BAZ2A: variants seen among roughly 807,000 people sequenced by gnomAD.
The protein encoded by BAZ2A is bromodomain adjacent to zinc finger domain 2A, also known as bromodomain adjacent to zinc finger domain protein 2A.
Under a neutral mutation model 199.9 loss-of-function variants are expected in BAZ2A, and 34 were observed. The observed-to-expected ratio is 0.17, with a 90% CI of 0.13 to 0.23. BAZ2A has a LOEUF of 0.23. Among genes scored for constraint, BAZ2A ranks in the 10% least tolerant of loss-of-function variants. The pLI is 1.00. For synonymous variants in BAZ2A, 857 were observed against 883.9 expected (o/e 0.97, Z 0.54); for missense variants, 2,002 against 2,391.1 (o/e 0.84, Z 3.39).
In BAZ2A at chr12:56,615,153, G is replaced by A. The variant is rs183859108; in HGVS notation, c.591C>T (p.Ser197=). Residue 197 remains serine, a synonymous_variant, in exon 3 of 29, where the codon AGC becomes AGT. Transcript: ENST00000549884. ...CCTGGGAGGGTGCAAAGGTTTGAAT[G>A]CTAGATCCCAACATAGGAGAAGTCT... The part of the protein sequence containing the change: ...SPQTSPMLGS[S]IQTFAPSQEV... The A allele has an allele frequency of 1.2e-6, 2 of 1,613,706 alleles. No homozygotes were observed. The highest frequency in any genetic ancestry group is 8.5e-7 in the Non-Finnish European group (1 of 1,179,792).
rs375181422 is a variant in BAZ2A, at chr12:56,601,503, G to A, written c.4071+43C>T. On this transcript the variant is annotated intron_variant, in intron 20 of 28. Coordinates refer to ENST00000549884, the MANE Select transcript of BAZ2A (RefSeq NM_001300905.2). Reference sequence around the variant, plus strand: ...CCACACCCAGGCAATGGTGCCTGTGGCAAGATGAAATCAAGTGCATACTAC... The same window carrying A: ...CCACACCCAGGCAATGGTGCCTGTGACAAGATGAAATCAAGTGCATACTAC... 11 of 1,598,650 alleles carry A rather than the reference G, an allele frequency of 6.9e-6. No homozygotes were observed. The African/African-American group carries it at 8.0e-5, about 12-fold the overall frequency.
At chr12:56,632,082 C>T (rs969731250), upstream of BAZ2A, among the ~76,000 whole-genome samples, 2 of 152,210 alleles carry the variant, frequency 1.3e-5, no homozygotes, top group Admixed American at 6.5e-5. Context: ...TCTCTCCTCC[C>T]TGTCAAAACA....
At chr12:56,605,394 C>A in intron 13 of BAZ2A, 67 bp from the exon 14 acceptor site, 5 of 1,386,900 alleles carry the variant, frequency 3.6e-6, no homozygotes, top group Non-Finnish European at 4.8e-6. Flanking sequence ...TGCATGTCTA[C>A]AAGAGGTTCT....
chr12:56,609,651 G>A, intron 10 of BAZ2A, 85 bp downstream of exon 10: 3 of 1,377,568 alleles, frequency 2.2e-6, no homozygotes, highest in South Asian at 1.3e-5. Context: ...TTACACTCCT[G>A]GGAAATCCAG....
intron 1 of BAZ2A, among the ~76,000 whole-genome samples, chr12:56,622,805 T>C (rs1950960905): frequency 6.6e-6 from 1 of 152,192 alleles, no homozygotes. Flanking sequence ...AGAGCTCCTA[T>C]GTTTCATTTA....
At chr12:56,638,054 G>A (rs1227484527), upstream of BAZ2A, 8 of 360,266 alleles carry the variant, frequency 2.2e-5, no homozygotes, top group South Asian at 1.7e-4. Flanking sequence ...GGGAGATCTC[G>A]AGCCCAGGAG....
At chr12:56,617,336 A>C in intron 2 of BAZ2A, 59 bp downstream of exon 2, 1 of 1,404,904 alleles carries the variant, frequency 7.1e-7, no homozygotes. Flanking sequence ...CCCCCCATGA[A>C]TCTGCCCTAA....
In BAZ2A at chr12:56,599,710, A is replaced by G. The variant is rs201689031; in HGVS notation, c.5164T>C (p.Leu1722=). The change falls in exon 26 of 29, where the codon TTG becomes CTG. Residue 1722 remains leucine (L), a synonymous_variant. Coordinates refer to ENST00000549884, the MANE Select transcript of BAZ2A (RefSeq NM_001300905.2). The part of the protein sequence containing the change: ...PEGDWFCTVC[L]AQQVEGEFTQ... ...AAGAGCAGAAGCCTTACCTGAGCCA[A>G]ACAGACAGTACAGAACCAATCTCCT... 5.6e-6 allele frequency: 9 copies of G among 1,613,676 alleles called. No homozygotes were observed. The East Asian group carries it at 1.6e-4, about 28-fold the overall frequency.
At chr12:56,610,595 T>C in intron 7 of BAZ2A, 78 bp from the exon 8 acceptor site, 3 of 1,283,478 alleles carry the variant, frequency 2.3e-6, no homozygotes, top group Non-Finnish European at 3.3e-6. Flanking sequence ...CGAAGCCCTC[T>C]GAGCAGATGG....
At chr12:56,630,925 C>A, upstream of BAZ2A, 2 of 891,608 alleles carry the variant, frequency 2.2e-6, no homozygotes, top group African/African-American at 3.6e-5. Context: ...CTGAGTGTAG[C>A]CTAAATGCAG....
At chr12:56,612,302 C>A in intron 5 of BAZ2A, 56 bp from the exon 6 acceptor site, 3 of 1,441,758 alleles carry the variant, frequency 2.1e-6, no homozygotes, top group South Asian at 1.3e-5. Context: ...TCACATAAAA[C>A]AAGAGAATCT....
upstream of BAZ2A, chr12:56,630,775 C>A: frequency 1.0e-6 from 1 of 985,612 alleles, no homozygotes; most frequent in Non-Finnish European, 1.2e-6. Context: ...CACCCACTCA[C>A]CTCTGTCCCT....
Position 56,599,002 on chromosome 12 carries a change from C to G in BAZ2A, c.5412G>C (p.Leu1804=), listed in dbSNP as rs777647882. Residue 1804 remains leucine, a synonymous_variant, in exon 28 of 29, where the codon CTG becomes CTC. Coordinates refer to ENST00000549884, the MANE Select transcript of BAZ2A (RefSeq NM_001300905.2). ...CTGCATCATGGGACTCCATCTCCAT[C>G]AGGATAATCCTATCATTAGAGGGAC... ...HSDLTFCEII[L]MEMESHDAAW... 16 of 1,611,138 alleles carry G rather than the reference C, an allele frequency of 9.9e-6. No individual in the cohort carries two copies. Among genetic ancestry groups the G allele is most frequent in the Admixed American group, 6.7e-5 (4 of 59,568 alleles).
chr12:56,608,007 G>A lies in BAZ2A; in HGVS notation c.2093-1274C>T, dbSNP rs1592577286. Among the ~76,000 whole-genome samples the A allele has an allele frequency of 4.0e-5, 6 of 151,760 alleles. No homozygotes were observed. The East Asian group carries it at 1.2e-3, about 30-fold the overall frequency. On this transcript the variant is annotated intron_variant, in intron 10 of 28. Transcript: ENST00000549884. Reference sequence around the variant, plus strand: ...AGGCAGGAGAATCGCTTAAACCTGGGAGGTTGCGGTGAGCCAAGATCGCGC... The same window carrying A: ...AGGCAGGAGAATCGCTTAAACCTGGAAGGTTGCGGTGAGCCAAGATCGCGC...
intron 10 of BAZ2A, among the ~76,000 whole-genome samples, chr12:56,607,309 T>G (rs1471675806): frequency 6.6e-6 from 1 of 152,250 alleles, no homozygotes; most frequent in East Asian, 1.9e-4. Context: ...CGGGAAGACT[T>G]GTGGAAGTAT....
intron 2 of BAZ2A, 36 bp downstream of exon 2, chr12:56,617,359 C>T (rs756557866): frequency 8.4e-6 from 13 of 1,552,728 alleles, no homozygotes; most frequent in African/African-American, 1.4e-5. Flanking sequence ...GGATGATGCC[C>T]ATTCCCTCCC....
Position 56,607,348 on chromosome 12 carries a change from T to G in BAZ2A, c.2093-615A>C, listed in dbSNP as rs1310798493. Among the ~76,000 whole-genome samples, 3 of 152,192 alleles carry G rather than the reference T, an allele frequency of 2.0e-5. No homozygotes were observed. In the East Asian group the frequency reaches 5.8e-4, roughly 29 times the overall value. Reference sequence around the variant, plus strand: ...TCTGCAAACAAGAGTATTTCATAATTGATGTTTCTGACATGACTATATATA... The same window carrying G: ...TCTGCAAACAAGAGTATTTCATAATGGATGTTTCTGACATGACTATATATA... On this transcript the variant is annotated intron_variant, in intron 10 of 28. Transcript: ENST00000549884.
Position 56,604,200 on chromosome 12 carries a change from C to T in BAZ2A, c.3038+17G>A. 1 of 1,595,766 alleles carries T rather than the reference C, an allele frequency of 6.3e-7. No homozygotes were observed. The highest frequency in any genetic ancestry group is 1.1e-5 in the South Asian group (1 of 88,336). On this transcript the variant is annotated intron_variant, in intron 16 of 28. Transcript: ENST00000549884. ...CTTCTCTCCTCTCTGAGGCTCTACT[C>T]TCTGTCTGGTCCCTACCTCCGGAGC...
At position 56,602,051 on chromosome 12, in the gene BAZ2A, C is replaced by T. The variant is rs1024089765; in HGVS notation, c.3566G>A (p.Arg1189Gln). The T allele has an allele frequency of 3.2e-6, 5 of 1,557,150 alleles. No homozygotes were observed. Among genetic ancestry groups the T allele is most frequent in the African/African-American group, 1.4e-5 (1 of 73,342 alleles). Residue 1189 changes from arginine to glutamine, a missense_variant, in exon 20 of 29, where the codon CGA becomes CAA. Transcript: ENST00000549884. ...AGACCCGGGCTTAGTTTTTCGAGGT[C>T]GGCCTCGGGCCCGGGCAGGAGAACT... ...TASSPARARG[R>Q]PRKTKPGSMQ...
Sources: gnomAD v4.1 joint callset for allele counts (sites outside exome capture counted in the v4.1 genomes callset) on GRCh38, gnomAD v4.1.1 for gene constraint, MANE v1.5 for transcripts, NCBI Gene and HGNC (gene_info 2026-07-23, HGNC 2026-07-21) for gene names.